LMNB1: variants seen among roughly 807,000 people sequenced by gnomAD.
LMNB1 encodes the protein lamin-B1.
Under a neutral mutation model 67.1 loss-of-function variants are expected in LMNB1, and 23 were observed. The observed-to-expected ratio is 0.34, with a 90% CI of 0.25 to 0.49. The LOEUF (loss-of-function observed/expected upper bound fraction) is 0.49, where lower values mean the gene tolerates loss of function less well. Ranked by LOEUF, LMNB1 falls within the 20% of genes least tolerant of loss-of-function variation. The pLI, the probability that LMNB1 is intolerant of heterozygous loss-of-function variation, is 0.99. For missense variants in LMNB1, 634 were observed against 746.5 expected (o/e 0.85, Z 1.76); for synonymous variants, 281 against 282.9 (o/e 0.99, Z 0.07).
chr5:126,800,971 A>T lies in LMNB1; in HGVS notation c.360-3805A>T, dbSNP rs1368516287. The stretch of plus-strand genomic sequence containing the variant: ...CCAGACTATATATATATATATATAT[A>T]TATATATATAATTTTTTTTTTTTTT... On this transcript the variant is annotated intron_variant, in intron 1 of 10. Transcript: ENST00000261366. Among the ~76,000 whole-genome samples the T allele has an allele frequency of 6.6e-3, 379 of 57,824 alleles. 10 individuals carry two copies. The highest frequency in any genetic ancestry group is 9.2e-3 in the Non-Finnish European group (265 of 28,834). 37.9% of individuals were successfully genotyped at this position (57,824 alleles called of 152,430 possible).
At chr5:126,783,268 C>A (rs888133744) in intron 1 of LMNB1, among the ~76,000 whole-genome samples, 4 of 151,950 alleles carry the variant, frequency 2.6e-5, no homozygotes, top group Non-Finnish European at 5.9e-5. Flanking sequence ...ATTACTATAT[C>A]TTTTTTTAAT....
At chr5:126,803,995 T>C (rs1751352424) in intron 1 of LMNB1, among the ~76,000 whole-genome samples, 1 of 151,878 alleles carries the variant, frequency 6.6e-6, no homozygotes, top group Non-Finnish European at 1.5e-5. Flanking sequence ...CTTACTAATA[T>C]CAGGGGAGTT....
chr5:126,825,852 C>T (rs1751983301), intron 8 of LMNB1, 136 bp from the exon 9 acceptor site: 1 of 1,149,996 alleles, frequency 8.7e-7, no homozygotes, highest in South Asian at 1.4e-5. Flanking sequence ...GGCCACATAG[C>T]TGTGTATAGC....
At chr5:126,785,583 A>G (rs1432442704) in intron 1 of LMNB1, among the ~76,000 whole-genome samples, 2 of 149,474 alleles carry the variant, frequency 1.3e-5, no homozygotes, top group African/African-American at 2.5e-5. Context: ...TCAGCCTCCC[A>G]AAGTGCTAGG....
chr5:126,787,980 A>T (rs1419669150), intron 1 of LMNB1, among the ~76,000 whole-genome samples: 2 of 152,180 alleles, frequency 1.3e-5, no homozygotes, highest in East Asian at 3.9e-4. Flanking sequence ...AGGGAAAAAA[A>T]GAGGAGAGGT....
At position 126,836,815 on chromosome 5, in the gene LMNB1, G is replaced by A; in HGVS notation, c.*551G>A. 3.0e-6 allele frequency: 1 copy of A among 329,686 alleles called. No homozygotes were observed. Among genetic ancestry groups the A allele is most frequent in the Non-Finnish European group, 5.4e-6 (1 of 186,856 alleles). The allele number at this position is 329,686 out of a possible 1,614,324, so 20.4% of individuals were successfully genotyped here. ...CAATATTAACCTAATCACCATGTAAGCACTCTGGATGATGGATTCCACAAA... is the reference window on the plus strand; with the variant it reads ...CAATATTAACCTAATCACCATGTAAACACTCTGGATGATGGATTCCACAAA... On this transcript the variant is annotated 3_prime_UTR_variant, in exon 11 of 11. Coordinates refer to ENST00000261366, the MANE Select transcript of LMNB1 (RefSeq NM_005573.4).
chr5:126,831,232 G>A (rs187838249), intron 9 of LMNB1, among the ~76,000 whole-genome samples: 2 of 152,280 alleles, frequency 1.3e-5, no homozygotes, highest in Non-Finnish European at 2.9e-5. Context: ...GTCTTCCCCT[G>A]TAGCATTCTC....
intron 5 of LMNB1, among the ~76,000 whole-genome samples, chr5:126,817,484 T>C (rs550602483): frequency 6.6e-6 from 1 of 152,324 alleles, no homozygotes; most frequent in South Asian, 2.1e-4. Context: ...ATGCACATAT[T>C]TATAACTTTT....
chr5:126,797,066 A>G (rs907441287), intron 1 of LMNB1, among the ~76,000 whole-genome samples: 2 of 152,120 alleles, frequency 1.3e-5, no homozygotes, highest in African/African-American at 4.8e-5. Context: ...TGGGATTACA[A>G]GAGTGAGCCA....
Position 126,777,474 on chromosome 5 carries a change from G to T in LMNB1, c.-35G>T. On this transcript the variant is annotated 5_prime_UTR_variant, in exon 1 of 11. Coordinates refer to ENST00000261366, the MANE Select transcript of LMNB1 (RefSeq NM_005573.4). The stretch of plus-strand genomic sequence containing the variant: ...TCCCCTCCTTATCACGGTCCCGCTC[G>T]CGGCCTCGCCGCCCCGCTGTCTCCG... The T allele has an allele frequency of 7.7e-7, 1 of 1,298,438 alleles. No homozygotes were observed. Among genetic ancestry groups the T allele is most frequent in the Non-Finnish European group, 9.7e-7 (1 of 1,027,112 alleles). The allele number at this position is 1,298,438 out of a possible 1,614,324, so 80.4% of individuals were successfully genotyped here. A position where few individuals can be genotyped will look rare whatever the true frequency, so the allele number is the denominator to read the frequency against.
chr5:126,791,864 A>C (rs1042111832), intron 1 of LMNB1, among the ~76,000 whole-genome samples: 22 of 151,766 alleles, frequency 1.4e-4, no homozygotes, highest in African/African-American at 5.3e-4. Flanking sequence ...GCTCACTGCA[A>C]CCTCTGCCTC....
Position 126,820,903 on chromosome 5 carries a change from C to T in LMNB1, c.1161-7C>T. 1 of 1,602,648 alleles carries T rather than the reference C, an allele frequency of 6.2e-7. No individual in the cohort carries two copies. Among genetic ancestry groups the T allele is most frequent in the Non-Finnish European group, 8.5e-7 (1 of 1,170,300 alleles). On this transcript the variant is annotated splice_polypyrimidine_tract_variant and splice_region_variant and intron_variant, in intron 6 of 10. Coordinates refer to ENST00000261366, the MANE Select transcript of LMNB1 (RefSeq NM_005573.4). ...TAAAAATGAATTGTTTTATTTTTCC[C>T]ATATAGGTTGAAGCTGTCTCCAAGC...
chr5:126,831,249 G>C (rs569870776), intron 9 of LMNB1, among the ~76,000 whole-genome samples: 1 of 152,258 alleles, frequency 6.6e-6, no homozygotes, highest in South Asian at 2.1e-4. Flanking sequence ...TCTCTTTCTT[G>C]AGTGACCTTA....
chr5:126,820,417 G>A (rs568616192), intron 6 of LMNB1, among the ~76,000 whole-genome samples: 7 of 152,248 alleles, frequency 4.6e-5, no homozygotes, highest in African/African-American at 1.4e-4. Flanking sequence ...GAAAATTGAC[G>A]ATGGGCACCT....
At chr5:126,783,364 A>G (rs1408505914) in intron 1 of LMNB1, among the ~76,000 whole-genome samples, 1 of 151,570 alleles carries the variant, frequency 6.6e-6, no homozygotes, top group Non-Finnish European at 1.5e-5. Flanking sequence ...TATTTTTATA[A>G]CTTAAAATAT....
In LMNB1 at chr5:126,803,110, C is replaced by T. The variant is rs567133148; in HGVS notation, c.360-1666C>T. 2.7e-5 allele frequency among the ~76,000 whole-genome samples: 4 copies of T among 149,600 alleles called. No homozygotes were observed. In the South Asian group the frequency reaches 8.5e-4, roughly 32 times the overall value. The stretch of plus-strand genomic sequence containing the variant: ...CTGAGGCATGAGAACCACTTGAAAC[C>T]AGGAGGCAGAGGTTGCAATGAGCCG... On this transcript the variant is annotated intron_variant, in intron 1 of 10. Transcript: ENST00000261366.
chr5:126,832,929 T>G (rs144858983), intron 10 of LMNB1, 128 bp downstream of exon 10: 413 of 522,784 alleles, frequency 7.9e-4, no homozygotes, highest in East Asian at 1.4e-3. Flanking sequence ...CAAGTGGGGT[T>G]TGTACTCCCC....
intron 1 of LMNB1, among the ~76,000 whole-genome samples, chr5:126,798,657 A>AT: frequency 6.6e-6 from 1 of 151,976 alleles, no homozygotes; most frequent in Non-Finnish European, 1.5e-5. Context: ...GAGACATGAT[A>AT]TTTTACATAG....
chr5:126,789,869 T>G (rs1028577383), intron 1 of LMNB1, among the ~76,000 whole-genome samples: 1 of 152,150 alleles, frequency 6.6e-6, no homozygotes, highest in Non-Finnish European at 1.5e-5. Flanking sequence ...GAGATGGGGT[T>G]TCACCGTGTT....
Sources: allele counts gnomAD v4.1 joint callset (sites outside exome capture counted in the v4.1 genomes callset), GRCh38; gene constraint gnomAD v4.1.1; transcripts MANE v1.5; gene names NCBI Gene and HGNC (gene_info 2026-07-23, HGNC 2026-07-21).